Variants in RAPGEF6 observed in about 807,000 individuals in gnomAD.
RAPGEF6 encodes the protein PDZ domain containing guanine nucleotide exchange factor (GEF) 2.
RAPGEF6 carries 56 observed loss-of-function variants against 171.4 expected under a neutral mutation model. That is an observed-to-expected ratio of 0.33 (90% CI 0.26 to 0.41). The LOEUF (loss-of-function observed/expected upper bound fraction) is 0.41, where lower values mean the gene tolerates loss of function less well. Ranked by LOEUF, RAPGEF6 falls within the 10% of genes least tolerant of loss-of-function variation. The pLI, the probability that RAPGEF6 is intolerant of heterozygous loss-of-function variation, is 1.00. For synonymous variants in RAPGEF6, 692 were observed against 650.1 expected (o/e 1.06, Z -0.98); for missense variants, 1,674 against 1,921.4 (o/e 0.87, Z 2.41).
At chr5:131,546,942 A>G (rs1760585350) in intron 6 of RAPGEF6, among the ~76,000 whole-genome samples, 1 of 152,242 alleles carries the variant, frequency 6.6e-6, no homozygotes, top group African/African-American at 2.4e-5. Context: ...AAAAAGACAC[A>G]TATTACTTAC....
intron 3 of RAPGEF6, among the ~76,000 whole-genome samples, chr5:131,602,034 CAAA>C (rs11400631): frequency 1.6e-5 from 2 of 124,176 alleles, no homozygotes. Context: ...GACTCCGTCT[CAAA>C]AAAAAAAAAA....
At chr5:131,489,829 TGTA>T (rs1756162035) in intron 14 of RAPGEF6, among the ~76,000 whole-genome samples, 175 bp from the exon 15 acceptor site, 2 of 152,146 alleles carry the variant, frequency 1.3e-5, no homozygotes, top group Admixed American at 1.3e-4. Flanking sequence ...TCTATATTGT[TGTA>T]TTTTCCAAAT....
intron 3 of RAPGEF6, among the ~76,000 whole-genome samples, chr5:131,600,638 GGAGC>G (rs1391881719): frequency 3.4e-5 from 5 of 148,870 alleles, no homozygotes; most frequent in African/African-American, 1.2e-4. Flanking sequence ...AGAGGAGGAG[GGAGC>G]GAAGGAAGGA....
At chr5:131,474,621 A>G (rs1436548998) in intron 16 of RAPGEF6, among the ~76,000 whole-genome samples, 1 of 152,170 alleles carries the variant, frequency 6.6e-6, no homozygotes, top group East Asian at 1.9e-4. Flanking sequence ...AGCAAAGGAG[A>G]TATCTCATTT....
Position 131,498,499 on chromosome 5 carries a change from A to G in RAPGEF6, c.1363T>C (p.Leu455=), listed in dbSNP as rs2149880837. Residue 455 remains leucine, a synonymous_variant, in exon 12 of 28, where the codon TTG becomes CTG. Coordinates refer to ENST00000509018, the MANE Select transcript of RAPGEF6 (RefSeq NM_016340.6). The part of the protein sequence containing the change: ...LTYRTFLESP[L]DVGIKLLEWF... ...TCCAATAGTTTGATCCCAACATCCA[A>G]AGGACTTTCAAGAAATGTCCTGTAA... The G allele has an allele frequency of 6.2e-7, 1 of 1,613,826 alleles. No individual in the cohort carries two copies. Among genetic ancestry groups the G allele is most frequent in the Admixed American group, 1.7e-5 (1 of 60,018 alleles).
At chr5:131,589,222 G>A (rs1476416046) in intron 4 of RAPGEF6, among the ~76,000 whole-genome samples, 1 of 152,214 alleles carries the variant, frequency 6.6e-6, no homozygotes, top group Non-Finnish European at 1.5e-5. Context: ...AATGGGTAGT[G>A]AAAGACAGAG....
At chr5:131,569,527 A>C (rs116165939) in intron 4 of RAPGEF6, among the ~76,000 whole-genome samples, 21 of 152,330 alleles carry the variant, frequency 1.4e-4, no homozygotes, top group Non-Finnish European at 2.5e-4. Context: ...CCATATGCAA[A>C]AATATATATA....
At chr5:131,621,154 T>C (rs1765570266) in intron 1 of RAPGEF6, among the ~76,000 whole-genome samples, 1 of 152,228 alleles carries the variant, frequency 6.6e-6, no homozygotes, top group Non-Finnish European at 1.5e-5. Flanking sequence ...TTTCTATATA[T>C]AGTTGTTCCT....
rs139386086 is a variant in RAPGEF6 at position 131,433,646 on chromosome 5, A to G, written c.3758T>C (p.Ile1253Thr). The change falls in exon 25 of 28, where the codon ATT becomes ACT. Residue 1253 changes from isoleucine to threonine, a missense_variant. Ile to Thr is a moderately conservative substitution (Grantham distance 89). This residue lies in a region of RAPGEF6 where 552 missense variants were observed against 574.2 expected (regional missense o/e 0.96). Coordinates refer to ENST00000509018, the MANE Select transcript of RAPGEF6 (RefSeq NM_016340.6). ...CAAGTTGTCAGATTTAGCTGATGGAATAAGTGTGTAACCTGAACAAGAAAA... is the reference window on the plus strand; with the variant it reads ...CAAGTTGTCAGATTTAGCTGATGGAGTAAGTGTGTAACCTGAACAAGAAAA... ...QGSPHKGYTL[I>T]PSAKSDNLSD... is the part of the protein sequence containing the mutation. 45 of 1,606,468 alleles carry G rather than the reference A, an allele frequency of 2.8e-5. No homozygotes were observed. The highest frequency in any genetic ancestry group is 3.3e-5 in the Non-Finnish European group (39 of 1,173,204).
At chr5:131,630,915 A>C (rs1175252056) in intron 1 of RAPGEF6, among the ~76,000 whole-genome samples, 1 of 152,204 alleles carries the variant, frequency 6.6e-6, no homozygotes, top group Non-Finnish European at 1.5e-5. Flanking sequence ...TTCAAGGAAA[A>C]ATAAGCCAAA....
At chr5:131,600,348 C>T (rs2150011600) in intron 3 of RAPGEF6, among the ~76,000 whole-genome samples, 1 of 152,204 alleles carries the variant, frequency 6.6e-6, no homozygotes, top group East Asian at 1.9e-4. Context: ...GTGGTGAAAC[C>T]CCATCTCTAC....
At chr5:131,446,789 T>A in intron 21 of RAPGEF6, 86 bp from the exon 22 acceptor site, 1 of 1,220,472 alleles carries the variant, frequency 8.2e-7, no homozygotes, top group Non-Finnish European at 1.2e-6. Flanking sequence ...TTTGTTCTGT[T>A]AATGCTATTG....
intron 15 of RAPGEF6, among the ~76,000 whole-genome samples, chr5:131,480,273 C>CTAGT (rs1452398129): frequency 7.2e-5 from 11 of 152,092 alleles, no homozygotes; most frequent in Non-Finnish European, 1.6e-4. Flanking sequence ...GAAGAACCAA[C>CTAGT]TGTGGGTCTT....
intron 17 of RAPGEF6, among the ~76,000 whole-genome samples, chr5:131,470,313 A>AT (rs1489692229): frequency 6.6e-6 from 1 of 152,248 alleles, no homozygotes; most frequent in Non-Finnish European, 1.5e-5. Context: ...GGAGAGAATT[A>AT]TGTAATCAAC....
chr5:131,569,463 G>GAA (rs1247517093), intron 4 of RAPGEF6, among the ~76,000 whole-genome samples: 2 of 151,886 alleles, frequency 1.3e-5, no homozygotes, highest in East Asian at 3.9e-4. Context: ...ATTCAATGGG[G>GAA]AAAAAAACAG....
chr5:131,591,672 C>G (rs985819594), intron 4 of RAPGEF6, among the ~76,000 whole-genome samples: 1 of 152,064 alleles, frequency 6.6e-6, no homozygotes, highest in African/African-American at 2.4e-5. Context: ...CATTATTATT[C>G]CCATTTGTCA....
intron 3 of RAPGEF6, among the ~76,000 whole-genome samples, chr5:131,598,497 A>G (rs147108439): frequency 2.3e-4 from 35 of 152,334 alleles, no homozygotes; most frequent in Non-Finnish European, 4.3e-4. Context: ...AACCATACCT[A>G]GCAACATTAG....
chr5:131,510,258 AGG>A, intron 8 of RAPGEF6, 54 bp downstream of exon 8: 7 of 1,450,850 alleles, frequency 4.8e-6, no homozygotes, highest in Non-Finnish European at 6.6e-6. Context: ...ATGCAGAAAT[AGG>A]TAACCATATA....
At position 131,548,204 on chromosome 5, in the gene RAPGEF6, TC is replaced by T. The variant is rs747695847; in HGVS notation, c.352-15del. 1.7e-5 allele frequency: 27 copies of T among 1,611,908 alleles called. No homozygotes were observed. The highest frequency in any genetic ancestry group is 2.2e-5 in the Non-Finnish European group (26 of 1,178,856). ...GGCATTCTCTACCTGAAACACATGT[TC>T]ATATTCCTGATGAAATATCAAATTT... On this transcript the variant is annotated splice_polypyrimidine_tract_variant and intron_variant, in intron 5 of 27. Coordinates refer to ENST00000509018, the MANE Select transcript of RAPGEF6 (RefSeq NM_016340.6).
Sources: gnomAD v4.1 joint callset for allele counts (sites outside exome capture counted in the v4.1 genomes callset) on GRCh38, gnomAD v4.1.1 for gene constraint, gnomAD v4.1.1 regional missense constraint, MANE v1.5 for transcripts, NCBI Gene and HGNC (gene_info 2026-07-23, HGNC 2026-07-21) for gene names.